TAF1C: variants seen among roughly 807,000 people sequenced by gnomAD.
TAF1C encodes TATA box-binding protein-associated factor RNA polymerase I subunit C.
Under a neutral mutation model 70.5 loss-of-function variants are expected in TAF1C, and 79 were observed. That is an observed-to-expected ratio of 1.12 (90% CI 0.93 to 1.35). The LOEUF is 1.35. Among genes scored for constraint, TAF1C ranks in the 40% most tolerant of loss-of-function variants. TAF1C has a pLI of 0.00. For synonymous variants in TAF1C, 614 were observed against 491.1 expected (o/e 1.25, Z -3.31); for missense variants, 1,412 against 1,127.8 (o/e 1.25, Z -3.61).
Position 84,179,826 on chromosome 16 carries a change from C to A in TAF1C, c.1647G>T (p.Leu549Phe). 1 of 1,608,586 alleles carries A rather than the reference C, an allele frequency of 6.2e-7. No individual in the cohort carries two copies. Among genetic ancestry groups the A allele is most frequent in the East Asian group, 2.2e-5 (1 of 44,754 alleles). The change falls in exon 15 of 15, where the codon TTG becomes TTT. Residue 549 changes from leucine (L) to phenylalanine (F), a missense_variant. Physicochemically the swap from Leu to Phe is conservative, Grantham distance 22. Coordinates refer to ENST00000566732, the MANE Select transcript of TAF1C (RefSeq NM_001243156.2). ...CCAGGCCTGGTGTGGGCGCTGAGGGCAAGGGCGGGACGACGGCAGCCAGAC... is the reference window on the plus strand; with the variant it reads ...CCAGGCCTGGTGTGGGCGCTGAGGGAAAGGGCGGGACGACGGCAGCCAGAC... Reference protein sequence around the residue: ...TIGLAAVVPPLPSAPTPGLVL... With the variant: ...TIGLAAVVPPFPSAPTPGLVL...
rs2089185987 is a variant in TAF1C, at chr16:84,181,449, T to C, written c.1043A>G (p.Tyr348Cys). ...WSPEDGLRQI[Y>C]RDPETLVFRD... ...GAACACGAGGGTCTCAGGGTCCCTG[T>C]AGATTTGCCGCAGCCTTGGGGAGAC... The change falls in exon 11 of 15, where the codon TAC becomes TGC. Residue 348 changes from tyrosine to cysteine, a missense_variant. Coordinates refer to ENST00000566732, the MANE Select transcript of TAF1C (RefSeq NM_001243156.2). 3 of 1,613,594 alleles carry C rather than the reference T, an allele frequency of 1.9e-6. No homozygotes were observed. Among genetic ancestry groups the C allele is most frequent in the Non-Finnish European group, 2.5e-6 (3 of 1,179,950 alleles).
At position 84,181,165 on chromosome 16, in the gene TAF1C, A is replaced by G; in HGVS notation, c.1186T>C (p.Leu396=). Residue 396 remains leucine (L), a synonymous_variant, in exon 12 of 15, where the codon TTG becomes CTG. Coordinates refer to ENST00000566732, the MANE Select transcript of TAF1C (RefSeq NM_001243156.2). ...DTQGPPGCGL[L]LFRLGAEASC... ...GCCTCTGCCCCCAAACGAAAAAGCA[A>G]CAGACCACAGCCCGGCGGGCCCTGG... is the stretch of plus-strand genomic sequence containing the variant. 6.2e-7 allele frequency: 1 copy of G among 1,610,548 alleles called. No individual in the cohort carries two copies. The highest frequency in any genetic ancestry group is 8.5e-7 in the Non-Finnish European group (1 of 1,177,156).
rs2303233 is a variant in TAF1C, at chr16:84,181,211, C to T, written c.1165-25G>A. On this transcript the variant is annotated intron_variant, in intron 11 of 14. Transcript: ENST00000566732. Reference sequence around the variant, plus strand: ...CCTGGAAGATAAACACAGGGTCAGCCCTCCCCACAGTCCCAGGCCGGTGAC... The same window carrying T: ...CCTGGAAGATAAACACAGGGTCAGCTCTCCCCACAGTCCCAGGCCGGTGAC... 81 of 1,595,132 alleles carry T rather than the reference C, an allele frequency of 5.1e-5. No homozygotes were observed. In the East Asian group the frequency reaches 1.8e-3, roughly 36 times the overall value.
chr16:84,178,871 G>T lies in TAF1C; in HGVS notation c.*70C>A. 2 of 1,475,196 alleles carry T rather than the reference G, an allele frequency of 1.4e-6. No homozygotes were observed. The allele number at this position is 1,475,196 out of a possible 1,614,324, so 91.4% of individuals were successfully genotyped here. The stretch of plus-strand genomic sequence containing the variant: ...CTCTGCTTCTCAAGTTTCAACTGTG[G>T]AAGGCACATCTGGTCCCAGAGGAAG... On this transcript the variant is annotated 3_prime_UTR_variant, in exon 15 of 15. Coordinates refer to ENST00000566732, the MANE Select transcript of TAF1C (RefSeq NM_001243156.2).
chr16:84,178,222 T>C lies in TAF1C; in HGVS notation c.*719A>G, dbSNP rs1290553633. On this transcript the variant is annotated 3_prime_UTR_variant, in exon 15 of 15. Transcript: ENST00000566732. ...GAATTCCCCCAAACTGACATGACCG[T>C]GACCCTCTGCTCAGAGGGCACTATC... 4 of 411,004 alleles carry C rather than the reference T, an allele frequency of 9.7e-6. No homozygotes were observed. Among genetic ancestry groups the C allele is most frequent in the Non-Finnish European group, 2.0e-5 (4 of 203,714 alleles). 25.5% of individuals were successfully genotyped at this position (411,004 alleles called of 1,614,324 possible).
At chr16:84,180,751 G>C (rs2089127620) in intron 12 of TAF1C, 1 of 1,273,518 alleles carries the variant, frequency 7.9e-7, no homozygotes, top group South Asian at 2.1e-5. Context: ...CTGCACAGCA[G>C]AAACTCTCCA....
intron 10 of TAF1C, 22 bp downstream of exon 10, chr16:84,181,570 G>A (rs754768718): frequency 1.2e-5 from 20 of 1,613,936 alleles, no homozygotes; most frequent in East Asian, 2.2e-5. Flanking sequence ...AGGGTGGGGG[G>A]TTTCACAGGA....
Position 84,182,135 on chromosome 16 carries a change from A to T in TAF1C, c.721+67T>A. 1 of 1,590,290 alleles carries T rather than the reference A, an allele frequency of 6.3e-7. No individual in the cohort carries two copies. ...CCAAATTCCTGCCCTTCTCTGGACC[A>T]TGCCAAGAGCACCTCCTCTACCAGA... On this transcript the variant is annotated intron_variant, in intron 7 of 14. Transcript: ENST00000566732. The surrounding 1 kb of genome is among the most constrained non-coding windows in gnomAD (Gnocchi z 5.0).
chr16:84,185,685 G>C (rs1355776633), intron 1 of TAF1C: 1 of 152,260 alleles, frequency 6.6e-6, no homozygotes, highest in Non-Finnish European at 1.5e-5. Flanking sequence ...CGGATCACCT[G>C]AGGTCGGGAG....
chr16:84,184,374 G>T (rs1264714792), intron 2 of TAF1C, among the ~76,000 whole-genome samples: 2 of 152,154 alleles, frequency 1.3e-5, no homozygotes, highest in East Asian at 3.9e-4. Context: ...CCCAGACAGG[G>T]TGTTTCCAAG....
At chr16:84,186,444 C>A (rs773816903) in intron 1 of TAF1C, among the ~76,000 whole-genome samples, 1 of 152,152 alleles carries the variant, frequency 6.6e-6, no homozygotes, top group Admixed American at 6.5e-5. Context: ...ATCGCAACTA[C>A]CGAGGAGGCT....
In TAF1C at chr16:84,180,695, G is replaced by A. The variant is rs2089120123; in HGVS notation, c.1308+348C>T. On this transcript the variant is annotated intron_variant, in intron 12 of 14. Transcript: ENST00000566732. The stretch of plus-strand genomic sequence containing the variant: ...CGAGGCACGCCTACGAATGTCCCCG[G>A]GAGGGCGGGTGGAGGACAGACCTGC... 3 of 878,300 alleles carry A rather than the reference G, an allele frequency of 3.4e-6. No homozygotes were observed. In the African/African-American group the frequency reaches 5.2e-5, roughly 15 times the overall value. 54.4% of individuals were successfully genotyped at this position (878,300 alleles called of 1,614,324 possible).
At position 84,182,303 on chromosome 16, in the gene TAF1C, A is replaced by G. The variant is rs753857373; in HGVS notation, c.620T>C (p.Leu207Pro). The change falls in exon 7 of 15, where the codon CTG (leucine) becomes CCG (proline). Residue 207 changes from leucine to proline, a missense_variant. Transcript: ENST00000566732. This position sits in a 1 kb window ranked among gnomAD's most constrained non-coding sequence, Gnocchi z 5.0. ...ELVLRWEQLLLDEACTGGALA... is the reference protein window; with the variant it reads ...ELVLRWEQLLPDEACTGGALA... The stretch of plus-strand genomic sequence containing the variant: ...CGCGCCCCCAGTGCAGGCCTCATCC[A>G]GAAGCAGCTGCTCCCACCGCAGCAC... 1 of 1,612,858 alleles carries G rather than the reference A, an allele frequency of 6.2e-7. No individual in the cohort carries two copies. The highest frequency in any genetic ancestry group is 1.7e-5 in the Admixed American group (1 of 60,018).
chr16:84,180,223 T>G lies in TAF1C; in HGVS notation c.1430A>C (p.Gln477Pro). 1 of 1,540,082 alleles carries G rather than the reference T, an allele frequency of 6.5e-7. No individual in the cohort carries two copies. The highest frequency in any genetic ancestry group is 8.7e-7 in the Non-Finnish European group (1 of 1,148,622). The change falls in exon 13 of 15, where the codon CAG becomes CCG. Residue 477 changes from glutamine (Q) to proline (P), a missense_variant. Transcript: ENST00000566732. ...ACCCTGGCCTCCGAGGAGCAGGGGC[T>G]GCACGCAGCTGGGCCGGGGCGGAGG... The part of the protein sequence containing the change: ...LLPPPRPSCV[Q>P]PLLLGGQGGQ...
chr16:84,179,503 C>T lies in TAF1C; in HGVS notation c.1970G>A (p.Arg657His), dbSNP rs746680163. 7.5e-6 allele frequency: 12 copies of T among 1,602,692 alleles called. No individual in the cohort carries two copies. The highest frequency in any genetic ancestry group is 3.3e-5 in the Admixed American group (2 of 59,862). The part of the protein sequence containing the change: ...EEEGQRLGVL[R>H]KAMARGQLLL... ...GAGCTGCCCTCGGGCCATGGCCTTG[C>T]GGAGCACACCCAGCCGCTGCCCTTC... is the stretch of plus-strand genomic sequence containing the variant. Residue 657 changes from arginine (R) to histidine (H), a missense_variant, in exon 15 of 15, where the codon CGC becomes CAC. Coordinates refer to ENST00000566732, the MANE Select transcript of TAF1C (RefSeq NM_001243156.2).
Position 84,178,380 on chromosome 16 carries a change from T to G in TAF1C, c.*561A>C, listed in dbSNP as rs1307711937. ...GCCTAAAAAACGTGACCATTCCAAT[T>G]CATCTTCAGCTGCCAAGTGTATTTA... On this transcript the variant is annotated 3_prime_UTR_variant, in exon 15 of 15. Transcript: ENST00000566732. The G allele has an allele frequency of 2.2e-6, 1 of 457,004 alleles. No individual in the cohort carries two copies. Among genetic ancestry groups the G allele is most frequent in the Non-Finnish European group, 4.4e-6 (1 of 227,298 alleles). 28.3% of individuals were successfully genotyped at this position (457,004 alleles called of 1,614,324 possible).
chr16:84,178,759 C>T lies in TAF1C; in HGVS notation c.*182G>A. The stretch of plus-strand genomic sequence containing the variant: ...GCGAATATACAAAATACAAAAGAAA[C>T]TACTACTGTATTTTGTTGCCCTGTC... On this transcript the variant is annotated 3_prime_UTR_variant, in exon 15 of 15. Coordinates refer to ENST00000566732, the MANE Select transcript of TAF1C (RefSeq NM_001243156.2). 1 of 635,948 alleles carries T rather than the reference C, an allele frequency of 1.6e-6. No individual in the cohort carries two copies. Among genetic ancestry groups the T allele is most frequent in the Non-Finnish European group, 2.7e-6 (1 of 373,864 alleles). The allele number at this position is 635,948 out of a possible 1,614,324, so 39.4% of individuals were successfully genotyped here.
chr16:84,182,885 C>T lies in TAF1C; in HGVS notation c.482+191G>A, dbSNP rs2089282222. ...ACCTGGATGCAGCTGTGCCTGAACTCCACAAATGTAAATCTGCTTTCCCCT... is the reference window on the plus strand; with the variant it reads ...ACCTGGATGCAGCTGTGCCTGAACTTCACAAATGTAAATCTGCTTTCCCCT... On this transcript the variant is annotated intron_variant, in intron 6 of 14. Coordinates refer to ENST00000566732, the MANE Select transcript of TAF1C (RefSeq NM_001243156.2). The surrounding 1 kb of genome is among the most constrained non-coding windows in gnomAD (Gnocchi z 5.0). 6.6e-6 allele frequency among the ~76,000 whole-genome samples: 1 copy of T among 152,230 alleles called. No individual in the cohort carries two copies. Among genetic ancestry groups the T allele is most frequent in the South Asian group, 2.1e-4 (1 of 4,832 alleles).
At chr16:84,185,123 C>A in intron 1 of TAF1C, 63 bp from the exon 2 acceptor site, 1 of 1,134,856 alleles carries the variant, frequency 8.8e-7, no homozygotes, top group East Asian at 2.6e-5. Flanking sequence ...TAACAAAAAA[C>A]AAATATGTAG....
Sources: gnomAD v4.1 joint callset for allele counts (sites outside exome capture counted in the v4.1 genomes callset) on GRCh38, gnomAD v4.1.1 for gene constraint, Gnocchi (gnomAD v3.1) non-coding constraint, MANE v1.5 for transcripts, NCBI Gene and HGNC (gene_info 2026-07-23, HGNC 2026-07-21) for gene names.